The following MYO16 variants were observed in gnomAD, a reference collection of about 807,000 sequenced individuals.
MYO16 encodes unconventional myosin-XVI.
In MYO16, 94 loss-of-function variants were observed where a neutral mutation model predicts 205.3. That is an observed-to-expected ratio of 0.46 (90% confidence interval 0.39 to 0.54). The LOEUF (loss-of-function observed/expected upper bound fraction) is 0.54. Among genes scored for constraint, MYO16 ranks in the 20% least tolerant of loss-of-function variants. MYO16 has a pLI of 0.00. For missense variants in MYO16, 2,315 were observed against 2,387.5 expected, an observed-to-expected ratio of 0.97 and a Z score of 0.63; for synonymous variants, 988 against 954.0, an observed-to-expected ratio of 1.04 and a Z score of -0.66.
At chr13:108,579,630 G>A in the MYO16 span, among the ~76,000 whole-genome samples, 4 of 151,936 alleles carry the variant, frequency 2.6e-5, no homozygotes, top group Non-Finnish European at 4.4e-5. Context: ...CAGTAGAAAC[G>A]GTGTTTCACC....
At chr13:108,926,435 A>G (rs1281214624) in intron 16 of MYO16, among the ~76,000 whole-genome samples, 1 of 152,206 alleles carries the variant, frequency 6.6e-6, no homozygotes, top group Non-Finnish European at 1.5e-5. Context: ...ATAGGCATCA[A>G]ATTGCAATGT....
At chr13:108,662,093 G>C (rs1313339483) in intron 1 of MYO16, among the ~76,000 whole-genome samples, 1 of 152,196 alleles carries the variant, frequency 6.6e-6, no homozygotes, top group Admixed American at 6.5e-5. Context: ...CCCAGCTCCA[G>C]GCTGGTACTG....
At chr13:108,888,300 C>A in intron 13 of MYO16, 72 bp from the exon 14 acceptor site, 1 of 1,049,468 alleles carries the variant, frequency 9.5e-7, no homozygotes, top group Non-Finnish European at 1.4e-6. Context: ...AAAGTAGTTT[C>A]AAAGGAACAA....
At chr13:108,656,080 G>A (rs529117535) in intron 1 of MYO16, among the ~76,000 whole-genome samples, 19 of 152,172 alleles carry the variant, frequency 1.2e-4, no homozygotes, top group Middle Eastern at 3.4e-3. Context: ...GAAATGTGAG[G>A]ACATGAGATT....
At chr13:108,664,407 C>T (rs72664972) in intron 1 of MYO16, among the ~76,000 whole-genome samples, 1,533 of 152,268 alleles carry the variant, frequency 0.01, 14 homozygotes, top group Middle Eastern at 0.051. Flanking sequence ...GTCACAACCT[C>T]TCTCAACTTG....
At chr13:108,829,516 A>G (rs35442840) in intron 9 of MYO16, among the ~76,000 whole-genome samples, 93,300 of 151,606 alleles carry the variant, frequency 0.62, 29,543 homozygotes, top group Middle Eastern at 0.72. Flanking sequence ...TATCATAAAA[A>G]ACCAGCTTTG....
At chr13:108,619,350 G>A (rs1340885493) in intron 1 of MYO16, among the ~76,000 whole-genome samples, 1 of 151,894 alleles carries the variant, frequency 6.6e-6, no homozygotes, top group Non-Finnish European at 1.5e-5. Context: ...TCTAAAATTC[G>A]GTTCCCTGCT....
intron 3 of MYO16, among the ~76,000 whole-genome samples, chr13:108,716,926 A>G (rs1228787908): frequency 1.3e-5 from 2 of 152,182 alleles, no homozygotes; most frequent in East Asian, 3.8e-4. Context: ...TTACCCCACC[A>G]TTTATTGAAT....
At position 109,055,440 on chromosome 13, in the gene MYO16, C is replaced by T; in HGVS notation, c.3180C>T (p.Phe1060=). 1.2e-6 allele frequency: 2 copies of T among 1,613,166 alleles called. No homozygotes were observed. Among genetic ancestry groups the T allele is most frequent in the Non-Finnish European group, 1.7e-6 (2 of 1,179,484 alleles). The stretch of plus-strand genomic sequence containing the variant: ...AACTTCAGAAGTGCACTCCACACTT[C>T]ATTCATTGCATCAGGCCCAATAACT... ...IGKLQKCTPH[F]IHCIRPNNSK... is the part of the protein sequence containing the mutation. The change falls in exon 27 of 35, where the codon TTC becomes TTT. Residue 1060 remains phenylalanine, a synonymous_variant. Coordinates refer to ENST00000457511, the MANE Select transcript of MYO16 (RefSeq NM_001198950.3). This position sits in a 1 kb window ranked among gnomAD's most constrained non-coding sequence, Gnocchi z 5.0.
chr13:108,709,491 C>T lies in MYO16; in HGVS notation c.293-3170C>T, dbSNP rs541748499. On this transcript the variant is annotated intron_variant, in intron 2 of 34. Coordinates refer to ENST00000457511, the MANE Select transcript of MYO16 (RefSeq NM_001198950.3). ...ACCACGTAATGTAACAGAGCCTCAG[C>T]TTCCTTATTAGTAAAAGAAAGAGTG... Among the ~76,000 whole-genome samples, 2 of 84,654 alleles carry T rather than the reference C, an allele frequency of 2.4e-5. 1 individual carries two copies. The highest frequency in any genetic ancestry group is 6.6e-4 in the East Asian group (2 of 3,008). The allele number at this position is 84,654 out of a possible 152,430, so 55.5% of individuals were successfully genotyped here.
chr13:109,167,579 A>G (rs1000327198), intron 33 of MYO16, among the ~76,000 whole-genome samples: 1 of 152,174 alleles, frequency 6.6e-6, no homozygotes, highest in Non-Finnish European at 1.5e-5. Context: ...TGTCTAAAAA[A>G]GGTGAATCTC....
chr13:109,005,659 C>T (rs1885363682), intron 21 of MYO16, among the ~76,000 whole-genome samples: 1 of 152,124 alleles, frequency 6.6e-6, no homozygotes, highest in Admixed American at 6.5e-5. Flanking sequence ...GCCACCCTCT[C>T]ATGCTCTAAT....
the MYO16 span, among the ~76,000 whole-genome samples, chr13:108,520,069 G>C: frequency 6.6e-6 from 1 of 152,108 alleles, no homozygotes; most frequent in African/African-American, 2.4e-5. Flanking sequence ...TAAATGTGAA[G>C]ATAAAACATT....
intron 34 of MYO16, among the ~76,000 whole-genome samples, chr13:109,196,120 C>CT (rs1266997672): frequency 2.0e-5 from 3 of 152,182 alleles, no homozygotes; most frequent in Non-Finnish European, 4.4e-5. Context: ...TTTTACATCA[C>CT]TTTATCAAAC....
chr13:108,584,112 C>A, the MYO16 span, among the ~76,000 whole-genome samples: 1 of 152,054 alleles, frequency 6.6e-6, no homozygotes, highest in African/African-American at 2.4e-5. Context: ...CACCACCACG[C>A]CCAGCTAATT....
intron 12 of MYO16, among the ~76,000 whole-genome samples, chr13:108,869,757 A>G (rs1301114804): frequency 3.9e-5 from 5 of 127,366 alleles, no homozygotes; most frequent in African/African-American, 1.3e-4. Flanking sequence ...AAAAAAAAAA[A>G]AAAGAAACCA....
intron 10 of MYO16, among the ~76,000 whole-genome samples, chr13:108,852,808 C>A (rs977357908): frequency 1.3e-5 from 2 of 152,146 alleles, no homozygotes; most frequent in Non-Finnish European, 2.9e-5. Flanking sequence ...TTAATTCCCT[C>A]AACCACTTTA....
intron 12 of MYO16, 21 bp downstream of exon 12, chr13:108,866,263 A>G (rs747784611): frequency 2.0e-6 from 3 of 1,487,844 alleles, no homozygotes; most frequent in Non-Finnish European, 2.8e-6. Context: ...AATTTTAAAT[A>G]TCATTGAATA....
At chr13:108,909,950 G>T (rs7339032) in intron 15 of MYO16, 53 bp from the exon 16 acceptor site, 36,398 of 1,538,188 alleles carry the variant, frequency 0.024, 1,840 homozygotes, top group East Asian at 0.18. Flanking sequence ...TTAATTTATG[G>T]AAATGAAATG....
Sources: gnomAD v4.1 joint callset for allele counts (sites outside exome capture counted in the v4.1 genomes callset) on GRCh38, gnomAD v4.1.1 for gene constraint, Gnocchi (gnomAD v3.1) non-coding constraint, MANE v1.5 for transcripts, NCBI Gene and HGNC (gene_info 2026-07-23, HGNC 2026-07-21) for gene names.